Variants in ATP7B observed in about 807,000 individuals in gnomAD.
The protein encoded by ATP7B is copper-transporting ATPase 2.
In ATP7B, 113 loss-of-function variants were observed where a neutral mutation model predicts 118.9. The observed-to-expected ratio is 0.95, with a 90% CI of 0.82 to 1.11. The LOEUF (loss-of-function observed/expected upper bound fraction) is 1.11, where lower values mean the gene tolerates loss of function less well. Ranked by LOEUF, ATP7B falls within the 50% of genes most tolerant of loss-of-function variation. The pLI is 0.00. For synonymous variants in ATP7B, 777 were observed against 727.4 expected (o/e 1.07, Z -1.10); for missense variants, 1,867 against 1,871.4 (o/e 1.00, Z 0.04).
chr13:52,011,785 T>C (rs1954047316), upstream of ATP7B, among the ~76,000 whole-genome samples: 1 of 152,244 alleles, frequency 6.6e-6, no homozygotes, highest in Admixed American at 6.5e-5. Context: ...CTCGCGCTGG[T>C]GCGCTCCGAC....
intron 1 of ATP7B, among the ~76,000 whole-genome samples, chr13:51,994,397 T>C (rs1953090203): frequency 6.6e-6 from 1 of 152,244 alleles, no homozygotes; most frequent in Admixed American, 6.5e-5. Flanking sequence ...TGAATAATTC[T>C]ACATTTCATA....
chr13:51,964,959 A>G lies in ATP7B; in HGVS notation c.1782T>C (p.Tyr594=), dbSNP rs2139774324. ...SKLTRTNGIT[Y]ASVALATSKA... ...TGCTGGTGGCAAGGGCAACGGAGGC[A>G]TAAGTGATGCCATTTGTCCTCGTGA... Residue 594 remains tyrosine (Y), a synonymous_variant, in exon 5 of 21, where the codon TAT becomes TAC. Transcript: ENST00000242839. 1 of 1,614,204 alleles carries G rather than the reference A, an allele frequency of 6.2e-7. No individual in the cohort carries two copies. The highest frequency in any genetic ancestry group is 2.2e-5 in the East Asian group (1 of 44,890).
intron 9 of ATP7B, among the ~76,000 whole-genome samples, chr13:51,956,312 G>C (rs1256629170): frequency 6.6e-6 from 1 of 152,214 alleles, no homozygotes; most frequent in Non-Finnish European, 1.5e-5. Context: ...GAAGCAAGGG[G>C]TCTGTCTCAG....
chr13:51,936,992 T>C (rs1593643059), intron 19 of ATP7B, among the ~76,000 whole-genome samples: 2 of 152,264 alleles, frequency 1.3e-5, no homozygotes. Flanking sequence ...ACTTAACAAA[T>C]GGCTCAGAAA....
chr13:52,008,149 G>A (rs1476495650), intron 1 of ATP7B, among the ~76,000 whole-genome samples: 3 of 152,064 alleles, frequency 2.0e-5, no homozygotes, highest in Non-Finnish European at 4.4e-5. Flanking sequence ...AGATGACCCT[G>A]ACCAACATGG....
intron 1 of ATP7B, among the ~76,000 whole-genome samples, chr13:52,009,402 G>A (rs1405999780): frequency 6.6e-6 from 1 of 152,132 alleles, no homozygotes; most frequent in Non-Finnish European, 1.5e-5. Context: ...GCTGCTACCT[G>A]TGAGGTTTCA....
chr13:51,934,797 A>C lies in ATP7B; in HGVS notation c.4357T>G (p.Ser1453Ala). ...TCATCCCTGCCATTCAGGAGCAGAG[A>C]CCACTTGTCCCCATCATCGTCTGCT... ...AAADDDGDKW[S>A]LLLNGRDEEQ... The change falls in exon 21 of 21, where the codon TCT (serine) becomes GCT (alanine). Residue 1453 changes from serine to alanine, a missense_variant. Coordinates refer to ENST00000242839, the MANE Select transcript of ATP7B (RefSeq NM_000053.4). The C allele has an allele frequency of 6.2e-7, 1 of 1,614,136 alleles. No individual in the cohort carries two copies. Among genetic ancestry groups the C allele is most frequent in the Non-Finnish European group, 8.5e-7 (1 of 1,180,044 alleles).
At chr13:51,986,776 A>G (rs1046251092) in intron 1 of ATP7B, among the ~76,000 whole-genome samples, 1 of 152,210 alleles carries the variant, frequency 6.6e-6, no homozygotes, top group African/African-American at 2.4e-5. Context: ...ATGCATATCA[A>G]TAAACGAAAT....
intron 13 of ATP7B, 118 bp from the exon 14 acceptor site, chr13:51,944,409 A>G (rs1957528409): frequency 6.4e-6 from 8 of 1,255,504 alleles, no homozygotes; most frequent in Non-Finnish European, 6.8e-6. Flanking sequence ...ACACCTGCAC[A>G]GCTTCCTAAC....
intron 4 of ATP7B, among the ~76,000 whole-genome samples, chr13:51,967,616 C>T (rs963057173): frequency 3.9e-5 from 6 of 152,214 alleles, no homozygotes; most frequent in African/African-American, 4.8e-5. Flanking sequence ...ACAAAGAACA[C>T]GGCTTATCAG....
At chr13:51,947,578 A>T (rs1432085583) in intron 12 of ATP7B, among the ~76,000 whole-genome samples, 3 of 152,174 alleles carry the variant, frequency 2.0e-5, no homozygotes, top group Admixed American at 2.0e-4. Flanking sequence ...ACATTTTATT[A>T]TTTCACTCTG....
chr13:51,968,738 G>T, intron 3 of ATP7B, 131 bp from the exon 4 acceptor site: 1 of 1,130,874 alleles, frequency 8.8e-7, no homozygotes, highest in Non-Finnish European at 1.3e-6. Context: ...AACACTGTTT[G>T]AAAATGAGGC....
At chr13:51,950,234 G>C (rs955072547) in intron 10 of ATP7B, 38 bp downstream of exon 10, 62 of 1,614,028 alleles carry the variant, frequency 3.8e-5, no homozygotes, top group Middle Eastern at 1.6e-4. Context: ...CAGCTGCTAT[G>C]ATATCCTCCT....
intron 1 of ATP7B, among the ~76,000 whole-genome samples, chr13:51,989,607 T>C (rs1357635370): frequency 6.6e-6 from 1 of 152,186 alleles, no homozygotes; most frequent in African/African-American, 2.4e-5. Context: ...ATATGTTATT[T>C]TCAATATACA....
rs2282058 is a variant in ATP7B at position 51,936,024 on chromosome 13, G to A, written c.4022-329C>T. 0.52 allele frequency among the ~76,000 whole-genome samples: 78,743 copies of A among 152,086 alleles called. 20,842 individuals carry two copies. Among genetic ancestry groups the A allele is most frequent in the Middle Eastern group, 0.61 (180 of 294 alleles). ...GTGGGAGGAGCGGGAGGAGAAAAGC[G>A]GCAGGAGCTGAGGGAGCCAGTTGCC... On this transcript the variant is annotated intron_variant, in intron 19 of 20. Coordinates refer to ENST00000242839, the MANE Select transcript of ATP7B (RefSeq NM_000053.4).
chr13:51,968,714 A>G, intron 3 of ATP7B, 107 bp from the exon 4 acceptor site: 1 of 1,362,796 alleles, frequency 7.3e-7, no homozygotes, highest in Non-Finnish European at 1.0e-6. Context: ...AATCCTCTAG[A>G]ACAGCAGTTT....
rs1465041600 is a variant in ATP7B, at chr13:52,009,307, TCA to T, written c.51+1978_51+1979del. ...CCTCCATTGACGCAGCCAGTTTTTC[TCA>T]GAGGGCCCTTCCTTGTCTGGATCTG... On this transcript the variant is annotated intron_variant, in intron 1 of 20. Coordinates refer to ENST00000242839, the MANE Select transcript of ATP7B (RefSeq NM_000053.4). Among the ~76,000 whole-genome samples the T allele has an allele frequency of 3.3e-5, 5 of 152,190 alleles. No homozygotes were observed. In the East Asian group the frequency reaches 9.6e-4, roughly 29 times the overall value.
At chr13:51,939,025 C>T (rs370657513) in intron 17 of ATP7B, 26 bp downstream of exon 17, 3 of 1,614,234 alleles carry the variant, frequency 1.9e-6, no homozygotes, top group South Asian at 2.2e-5. Context: ...GAGCTTTACA[C>T]AGTTTGCAAC....
At chr13:51,961,179 C>T (rs1339468026) in intron 6 of ATP7B, among the ~76,000 whole-genome samples, 3 of 151,810 alleles carry the variant, frequency 2.0e-5, no homozygotes, top group African/African-American at 7.3e-5. Context: ...TTTTCCTAGA[C>T]CTTCCAGAAT....
Sources: allele counts gnomAD v4.1 joint callset (sites outside exome capture counted in the v4.1 genomes callset), GRCh38; gene constraint gnomAD v4.1.1; transcripts MANE v1.5; gene names NCBI Gene and HGNC (gene_info 2026-07-23, HGNC 2026-07-21).